SLC45A2: variants seen among roughly 807,000 people sequenced by gnomAD.
SLC45A2 encodes the protein membrane-associated transporter protein.
Under a neutral mutation model 45.5 loss-of-function variants are expected in SLC45A2, and 36 were observed. That is an observed-to-expected ratio of 0.79 (90% CI 0.61 to 1.04). The LOEUF (loss-of-function observed/expected upper bound fraction) is 1.04. SLC45A2 is among the 50% of genes least tolerant of loss of function. The pLI is 0.00. For missense variants in SLC45A2, 719 were observed against 671.0 expected (o/e 1.07, Z -0.79); for synonymous variants, 306 against 269.3 (o/e 1.14, Z -1.33).
chr5:33,984,180 C>T lies in SLC45A2; in HGVS notation c.385+19G>A. 1.2e-6 allele frequency: 2 copies of T among 1,613,628 alleles called. No homozygotes were observed. The highest frequency in any genetic ancestry group is 2.2e-5 in the South Asian group (2 of 91,080). On this transcript the variant is annotated intron_variant, in intron 1 of 6. Transcript: ENST00000296589. ...TAAGACACATATCCCTGTCTGCCCA[C>T]CTTGTGCAGCCCACTTACCTGCTAC...
Position 33,951,548 on chromosome 5 carries a change from A to G in SLC45A2, c.1156+6T>C, listed in dbSNP as rs1752096186. On this transcript the variant is annotated splice_donor_region_variant and intron_variant, in intron 5 of 6. Transcript: ENST00000296589. The stretch of plus-strand genomic sequence containing the variant: ...GAAGACATCCTTAGGAGAGAGAAAG[A>G]CTTACAAGAATAAAGTGAGGAAAAC... 1 of 1,614,032 alleles carries G rather than the reference A, an allele frequency of 6.2e-7. No individual in the cohort carries two copies. The highest frequency in any genetic ancestry group is 8.5e-7 in the Non-Finnish European group (1 of 1,180,026).
intron 2 of SLC45A2, chr5:33,971,324 C>T (rs139107175): frequency 1.6e-5 from 8 of 514,198 alleles, no homozygotes; most frequent in South Asian, 1.2e-4. Flanking sequence ...CCCAGTTATT[C>T]CAACTTGTAG....
Position 33,971,624 on chromosome 5 carries a change from ATTATTTT to A in SLC45A2, c.563-7615_563-7609del, listed in dbSNP as rs146472909. Among the ~76,000 whole-genome samples the A allele has an allele frequency of 5.6e-3, 853 of 151,954 alleles. 6 individuals carry two copies. Among genetic ancestry groups the A allele is most frequent in the African/African-American group, 0.02 (821 of 41,450 alleles). The stretch of plus-strand genomic sequence containing the variant: ...CAACTAATTTTTAATTAGTTAATTA[ATTATTTT>A]TTATTTTTTATTTTGAGACGGAGTC... On this transcript the variant is annotated intron_variant, in intron 2 of 6. Coordinates refer to ENST00000296589, the MANE Select transcript of SLC45A2 (RefSeq NM_016180.5).
chr5:33,974,123 G>A (rs567917376), intron 2 of SLC45A2, among the ~76,000 whole-genome samples: 43 of 152,256 alleles, frequency 2.8e-4, no homozygotes, highest in Admixed American at 2.4e-3. Flanking sequence ...AGTCTTCCCT[G>A]GTGAGTACCA....
intron 5 of SLC45A2, 88 bp from the exon 6 acceptor site, chr5:33,947,462 C>T (rs1751972113): frequency 8.2e-7 from 1 of 1,212,666 alleles, no homozygotes; most frequent in Non-Finnish European, 1.2e-6. Context: ...TGAAGATTCA[C>T]CTTTTTAGAC....
intron 4 of SLC45A2, among the ~76,000 whole-genome samples, chr5:33,952,060 C>T (rs1752120339): frequency 6.6e-6 from 1 of 152,094 alleles, no homozygotes; most frequent in African/African-American, 2.4e-5. Flanking sequence ...TCTAATATTC[C>T]TCTAACTCCT....
intron 3 of SLC45A2, among the ~76,000 whole-genome samples, chr5:33,955,984 A>G: frequency 6.6e-6 from 1 of 152,224 alleles, no homozygotes; most frequent in South Asian, 2.1e-4. Flanking sequence ...GCAGTTTACA[A>G]ATGGATAACT....
intron 3 of SLC45A2, among the ~76,000 whole-genome samples, chr5:33,957,050 T>C (rs1752296680): frequency 6.6e-6 from 1 of 152,180 alleles, no homozygotes; most frequent in Non-Finnish European, 1.5e-5. Context: ...CTAGAAGCTA[T>C]AGTTTTTCTG....
At position 33,953,401 on chromosome 5, in the gene SLC45A2, A is replaced by G. The variant is rs1579538451; in HGVS notation, c.1032+960T>C. On this transcript the variant is annotated intron_variant, in intron 4 of 6. Coordinates refer to ENST00000296589, the MANE Select transcript of SLC45A2 (RefSeq NM_016180.5). ...TGATTGCCATTCTAACTGGTGTGAG[A>G]TGATATCTCATAGTGGTTTTGATTT... is the stretch of plus-strand genomic sequence containing the variant. Among the ~76,000 whole-genome samples, 3 of 149,358 alleles carry G rather than the reference A, an allele frequency of 2.0e-5. No individual in the cohort carries two copies. In the South Asian group the frequency reaches 6.5e-4, roughly 32 times the overall value.
intron 3 of SLC45A2, among the ~76,000 whole-genome samples, chr5:33,955,076 T>G (rs7729962): frequency 0.04 from 6,069 of 152,256 alleles, 413 homozygotes; most frequent in African/African-American, 0.14. Flanking sequence ...CCATGAGCCC[T>G]TGAAAAGTAC....
intron 1 of SLC45A2, among the ~76,000 whole-genome samples, chr5:33,983,060 A>G (rs1206334638): frequency 6.6e-6 from 1 of 152,220 alleles, no homozygotes; most frequent in African/African-American, 2.4e-5. Context: ...CTCTGATTCA[A>G]TTGGTGGGCC....
intron 2 of SLC45A2, 24 bp downstream of exon 2, chr5:33,982,212 G>T: frequency 6.2e-7 from 1 of 1,613,652 alleles, no homozygotes; most frequent in Non-Finnish European, 8.5e-7. Context: ...AGCTGAAGGA[G>T]AGACTTTCTG....
At chr5:33,968,464 G>C (rs982201570) in intron 2 of SLC45A2, among the ~76,000 whole-genome samples, 3 of 152,216 alleles carry the variant, frequency 2.0e-5, no homozygotes, top group African/African-American at 7.2e-5. Flanking sequence ...TTACAAAGAA[G>C]GGCCAGAAGT....
chr5:33,963,428 T>C, intron 3 of SLC45A2, among the ~76,000 whole-genome samples: 1 of 150,012 alleles, frequency 6.7e-6, no homozygotes, highest in Non-Finnish European at 1.5e-5. Context: ...TTGCCTAACC[T>C]TTCTCAACTG....
chr5:33,945,895 T>G, intron 6 of SLC45A2: 1 of 891,706 alleles, frequency 1.1e-6, no homozygotes, highest in South Asian at 5.2e-5. Context: ...TATTTAAAAA[T>G]GCCGGAAAGA....
chr5:33,946,988 C>T, intron 6 of SLC45A2, 175 bp downstream of exon 6: 1 of 1,556,274 alleles, frequency 6.4e-7, no homozygotes, highest in East Asian at 2.3e-5. Flanking sequence ...CTGGGCTGGG[C>T]TGGGCTGGTG....
intron 2 of SLC45A2, among the ~76,000 whole-genome samples, chr5:33,976,170 A>G (rs1752924482): frequency 6.6e-6 from 1 of 152,146 alleles, no homozygotes; most frequent in Non-Finnish European, 1.5e-5. Flanking sequence ...CTATTCCCTA[A>G]GCATATACCA....
chr5:33,984,193 A>C lies in SLC45A2; in HGVS notation c.385+6T>G. On this transcript the variant is annotated splice_donor_region_variant and intron_variant, in intron 1 of 6. Coordinates refer to ENST00000296589, the MANE Select transcript of SLC45A2 (RefSeq NM_016180.5). ...CCTGTCTGCCCACCTTGTGCAGCCC[A>C]CTTACCTGCTACAACAGTAGCCCCA... is the stretch of plus-strand genomic sequence containing the variant. 6.2e-7 allele frequency: 1 copy of C among 1,613,834 alleles called. No individual in the cohort carries two copies. Among genetic ancestry groups the C allele is most frequent in the South Asian group, 1.1e-5 (1 of 91,066 alleles).
chr5:33,961,296 T>C (rs1408310261), intron 3 of SLC45A2, among the ~76,000 whole-genome samples: 6 of 152,154 alleles, frequency 3.9e-5, no homozygotes, highest in Non-Finnish European at 7.4e-5. Flanking sequence ...GCCCCACTAG[T>C]TTTGATGGAC....
Sources: allele counts gnomAD v4.1 joint callset (sites outside exome capture counted in the v4.1 genomes callset), GRCh38; gene constraint gnomAD v4.1.1; transcripts MANE v1.5; gene names NCBI Gene and HGNC (gene_info 2026-07-23, HGNC 2026-07-21).